The following STPG2 variants were observed in gnomAD, a reference collection of about 807,000 sequenced individuals.
STPG2 encodes sperm tail PG-rich repeat containing 2.
A neutral mutation model predicts 54.2 loss-of-function variants in STPG2; 56 were observed. That is an observed-to-expected ratio of 1.03 (90% CI 0.83 to 1.29). The LOEUF (loss-of-function observed/expected upper bound fraction) is 1.29, where lower values mean the gene tolerates loss of function less well. Ranked by LOEUF, STPG2 falls within the 50% of genes most tolerant of loss-of-function variation. The probability of loss-of-function intolerance (pLI) is 0.00; values close to 1 mark genes in which losing one functional copy is unlikely to be tolerated. For missense variants in STPG2, 596 were observed against 544.9 expected (o/e 1.09, Z -0.93); for synonymous variants, 200 against 181.8 (o/e 1.10, Z -0.81).
chr4:97,753,874 T>C (rs916239732), intron 9 of STPG2, among the ~76,000 whole-genome samples: 4 of 152,054 alleles, frequency 2.6e-5, no homozygotes, highest in Non-Finnish European at 5.9e-5. Flanking sequence ...GTTGTTGTTG[T>C]TGTTTTTGAG....
chr4:97,537,225 G>A (rs894783985), intron 4 of STPG2, among the ~76,000 whole-genome samples: 4 of 152,144 alleles, frequency 2.6e-5, no homozygotes, highest in African/African-American at 4.8e-5. Context: ...TGAACCGAGT[G>A]TGAGCCAAAA....
At chr4:97,701,926 G>A (rs1365714168) in intron 10 of STPG2, among the ~76,000 whole-genome samples, 1 of 152,174 alleles carries the variant, frequency 6.6e-6, no homozygotes, top group East Asian at 1.9e-4. Context: ...TTGTAGTTGA[G>A]TGACGGTGGT....
intron 8 of STPG2, among the ~76,000 whole-genome samples, chr4:97,934,955 A>G (rs1322773242): frequency 6.6e-6 from 1 of 152,118 alleles, no homozygotes; most frequent in Non-Finnish European, 1.5e-5. Flanking sequence ...TTGTACCTCT[A>G]GTAGAATTTG....
rs568119677 is a variant in STPG2, at chr4:97,641,187, C to G, written c.1320+71512G>C. Among the ~76,000 whole-genome samples the G allele has an allele frequency of 4.6e-5, 7 of 151,718 alleles. No homozygotes were observed. In the South Asian group the frequency reaches 8.3e-4, roughly 18 times the overall value. Reference sequence around the variant, plus strand: ...ACAATATTTAAAGCAAGAGGCAAAACTTCTCTTTTAGCACACATTATTATC... The same window carrying G: ...ACAATATTTAAAGCAAGAGGCAAAAGTTCTCTTTTAGCACACATTATTATC... On this transcript the variant is annotated intron_variant, in intron 10 of 10. Coordinates refer to ENST00000295268, the MANE Select transcript of STPG2 (RefSeq NM_174952.3).
intron 8 of STPG2, among the ~76,000 whole-genome samples, chr4:97,844,452 A>T (rs1196206688): frequency 6.6e-6 from 1 of 151,906 alleles, no homozygotes; most frequent in African/African-American, 2.4e-5. Context: ...CTAAATATAG[A>T]TTTTTTTGCT....
intron 4 of STPG2, among the ~76,000 whole-genome samples, chr4:97,447,751 C>T (rs950537840): frequency 3.0e-4 from 46 of 152,208 alleles, no homozygotes; most frequent in Admixed American, 1.5e-3. Flanking sequence ...AGAAGTCTTT[C>T]GCAGGGTCAG....
chr4:97,977,672 A>C (rs1378432939), intron 6 of STPG2, among the ~76,000 whole-genome samples: 1 of 152,202 alleles, frequency 6.6e-6, no homozygotes. Context: ...CTTCCACTCC[A>C]TGCATTGGTC....
At chr4:97,956,279 A>G (rs1733670211) in intron 7 of STPG2, among the ~76,000 whole-genome samples, 1 of 152,172 alleles carries the variant, frequency 6.6e-6, no homozygotes. Flanking sequence ...CTAAAAGAAT[A>G]GTAAAAAAAC....
chr4:98,143,348 A>G lies in STPG2; in HGVS notation c.-198T>C. ...ACCAGATTTCCTCAAATCGATTTCT[A>G]GCTCTGTGGTAAAGTAGAGGGGTGA... On this transcript the variant is annotated 5_prime_UTR_variant, in exon 1 of 11. Transcript: ENST00000295268. 1 of 571,958 alleles carries G rather than the reference A, an allele frequency of 1.7e-6. No homozygotes were observed. Among genetic ancestry groups the G allele is most frequent in the Non-Finnish European group, 3.1e-6 (1 of 318,574 alleles). The allele number at this position is 571,958 out of a possible 1,614,324, so 35.4% of individuals were successfully genotyped here.
intron 5 of STPG2, among the ~76,000 whole-genome samples, chr4:98,104,663 A>T (rs1354742729): frequency 3.3e-5 from 5 of 152,172 alleles, no homozygotes. Flanking sequence ...CACAGAGTTG[A>T]TTTTCAAAAG....
At chr4:97,902,709 G>A (rs899847468) in intron 8 of STPG2, among the ~76,000 whole-genome samples, 24 of 152,080 alleles carry the variant, frequency 1.6e-4, no homozygotes, top group African/African-American at 5.3e-4. Flanking sequence ...ATGTAAATTG[G>A]TACAGTCATT....
rs534085347 is a variant in STPG2, at chr4:98,143,155, C to T, written c.-5G>A. On this transcript the variant is annotated 5_prime_UTR_variant, in exon 1 of 11. Coordinates refer to ENST00000295268, the MANE Select transcript of STPG2 (RefSeq NM_174952.3). ...GCGGGGAGCCCGATCATACATAGTG[C>T]TCGGGGTGGTGGGGGCGCTGGGGAA... The T allele has an allele frequency of 6.2e-7, 1 of 1,610,344 alleles. No homozygotes were observed. The highest frequency in any genetic ancestry group is 1.1e-5 in the South Asian group (1 of 90,644).
intron 7 of STPG2, among the ~76,000 whole-genome samples, chr4:97,965,038 T>A (rs980448997): frequency 6.6e-6 from 1 of 152,172 alleles, no homozygotes. Context: ...GGACAGGGCA[T>A]CACCTCACCC....
At chr4:97,588,881 T>C (rs1168913358) in intron 10 of STPG2, among the ~76,000 whole-genome samples, 1 of 152,150 alleles carries the variant, frequency 6.6e-6, no homozygotes, top group East Asian at 1.9e-4. Flanking sequence ...TTTTCTATGC[T>C]ACCTACTCTT....
intron 10 of STPG2, among the ~76,000 whole-genome samples, chr4:97,569,514 G>T (rs975241586): frequency 6.6e-5 from 10 of 151,972 alleles, no homozygotes; most frequent in Admixed American, 2.0e-4. Context: ...ATTCAAGATG[G>T]AATCGCCTCG....
At chr4:97,869,835 G>C (rs577439787) in intron 8 of STPG2, among the ~76,000 whole-genome samples, 68 of 151,586 alleles carry the variant, frequency 4.5e-4, no homozygotes, top group African/African-American at 1.4e-3. Flanking sequence ...TCTAGTCATG[G>C]TTTGAGCCTC....
At chr4:97,781,035 A>G (rs1191450232) in intron 9 of STPG2, among the ~76,000 whole-genome samples, 1 of 152,202 alleles carries the variant, frequency 6.6e-6, no homozygotes, top group Non-Finnish European at 1.5e-5. Context: ...GAGAAGCAAG[A>G]GCAAACACAT....
rs148198685 is a variant in STPG2, at chr4:97,720,986, C to T, written c.1205-8172G>A. ...TCTTCCCTAAGAGACAATCTTCTCC[C>T]TCATATTTTTAACTAGAAATCATCT... On this transcript the variant is annotated intron_variant, in intron 9 of 10. Coordinates refer to ENST00000295268, the MANE Select transcript of STPG2 (RefSeq NM_174952.3). Among the ~76,000 whole-genome samples, 236 of 152,072 alleles carry T rather than the reference C, an allele frequency of 1.6e-3. 2 individuals carry two copies. Among genetic ancestry groups the T allele is most frequent in the Non-Finnish European group, 1.7e-3 (113 of 67,876 alleles).
At chr4:97,955,837 T>G (rs1462536177) in intron 7 of STPG2, among the ~76,000 whole-genome samples, 1 of 152,080 alleles carries the variant, frequency 6.6e-6, no homozygotes, top group Non-Finnish European at 1.5e-5. Flanking sequence ...AAACAAAATA[T>G]TATTAAAGTG....
Sources: allele counts gnomAD v4.1 joint callset (sites outside exome capture counted in the v4.1 genomes callset), GRCh38; gene constraint gnomAD v4.1.1; transcripts MANE v1.5; gene names NCBI Gene and HGNC (gene_info 2026-07-23, HGNC 2026-07-21).